The following PRDM16 variants were observed in gnomAD, a reference collection of about 807,000 sequenced individuals.
The protein encoded by PRDM16 is histone-lysine N-methyltransferase PRDM16.
PRDM16 carries 23 observed loss-of-function variants against 110.6 expected under a neutral mutation model. The observed-to-expected ratio is 0.21, with a 90% confidence interval of 0.15 to 0.29. The LOEUF (loss-of-function observed/expected upper bound fraction) is 0.29, where lower values mean the gene tolerates loss of function less well. Among genes scored for constraint, PRDM16 ranks in the 10% least tolerant of loss-of-function variants. The pLI, the probability that PRDM16 is intolerant of heterozygous loss-of-function variation, is 1.00. For synonymous variants in PRDM16, 799 were observed against 781.8 expected, an observed-to-expected ratio of 1.02 and a Z score of -0.37; for missense variants, 1,615 against 1,794.3, an observed-to-expected ratio of 0.90 and a Z score of 1.81.
At chr1:3,195,127 G>A (rs763456535) in intron 2 of PRDM16, among the ~76,000 whole-genome samples, 8 of 152,212 alleles carry the variant, frequency 5.3e-5, no homozygotes, top group Admixed American at 6.5e-5. Context: ...AGAGAGACGG[G>A]GCCCTGTGGG....
In PRDM16 at chr1:3,081,520, C is replaced by T. The variant is rs1212830761; in HGVS notation, c.37+12224C>T. ...GAGAACGCCGACTTGCATTTTCTGA[C>T]AGTCCCCAGCTCTCTCTGCAGAGTA... is the stretch of plus-strand genomic sequence containing the variant. On this transcript the variant is annotated intron_variant, in intron 1 of 16. Coordinates refer to ENST00000270722, the MANE Select transcript of PRDM16 (RefSeq NM_022114.4). The surrounding 1 kb of genome is among the most constrained non-coding windows in gnomAD (Gnocchi z 4.6). Among the ~76,000 whole-genome samples, 1 of 152,184 alleles carries T rather than the reference C, an allele frequency of 6.6e-6. No homozygotes were observed. The highest frequency in any genetic ancestry group is 1.5e-5 in the Non-Finnish European group (1 of 68,030).
At chr1:3,079,146 G>A (rs1447145627) in intron 1 of PRDM16, among the ~76,000 whole-genome samples, 5 of 152,332 alleles carry the variant, frequency 3.3e-5, no homozygotes, top group African/African-American at 1.2e-4. Context: ...GTGGAGCCGC[G>A]TCCCGGAATC....
At chr1:3,410,640 C>T (rs748167703) in intron 8 of PRDM16, among the ~76,000 whole-genome samples, 5 of 152,120 alleles carry the variant, frequency 3.3e-5, no homozygotes, top group African/African-American at 1.2e-4. Context: ...GGATCTGGTG[C>T]GGAGAGGGGA....
chr1:3,224,749 G>C (rs1475633202), intron 2 of PRDM16, among the ~76,000 whole-genome samples: 1 of 152,234 alleles, frequency 6.6e-6, no homozygotes, highest in Non-Finnish European at 1.5e-5. Flanking sequence ...GGATGACAGG[G>C]GGAACCCCTA....
chr1:3,239,401 C>T (rs1480872490), intron 2 of PRDM16, among the ~76,000 whole-genome samples: 1 of 151,950 alleles, frequency 6.6e-6, no homozygotes, highest in Non-Finnish European at 1.5e-5. Flanking sequence ...CTGAGCCCCT[C>T]GACCCCACAG....
chr1:3,161,158 G>A (rs1643893683), intron 1 of PRDM16, among the ~76,000 whole-genome samples: 1 of 152,156 alleles, frequency 6.6e-6, no homozygotes, highest in African/African-American at 2.4e-5. Flanking sequence ...TGAGGGAGGC[G>A]AGCAGGAAGG....
At chr1:3,205,485 G>A (rs560545700) in intron 2 of PRDM16, among the ~76,000 whole-genome samples, 1 of 152,254 alleles carries the variant, frequency 6.6e-6, no homozygotes, top group South Asian at 2.1e-4. Flanking sequence ...TACAGAAATG[G>A]ACCAGCCAGA....
At position 3,381,520 on chromosome 1, in the gene PRDM16, A is replaced by G. The variant is rs1322755724; in HGVS notation, c.439-3632A>G. Among the ~76,000 whole-genome samples, 5 of 150,268 alleles carry G rather than the reference A, an allele frequency of 3.3e-5. No individual in the cohort carries two copies. The Admixed American group carries it at 3.4e-4, about 10-fold the overall frequency. ...CAGGTACAAGCAATTCTTGTGCCTC[A>G]GCCTCCCAAGTAGCTGCATACCACC... is the stretch of plus-strand genomic sequence containing the variant. On this transcript the variant is annotated intron_variant, in intron 3 of 16. Transcript: ENST00000270722.
chr1:3,169,735 A>T (rs990753021), intron 1 of PRDM16, among the ~76,000 whole-genome samples: 3 of 152,162 alleles, frequency 2.0e-5, no homozygotes, highest in African/African-American at 7.2e-5. Flanking sequence ...CCTGTACGCC[A>T]TCAGGATCTT....
intron 3 of PRDM16, among the ~76,000 whole-genome samples, chr1:3,334,889 C>T (rs992474359): frequency 2.6e-5 from 4 of 152,214 alleles, no homozygotes; most frequent in African/African-American, 7.2e-5. Flanking sequence ...CCCCTGAGGT[C>T]GCCAACTAGG....
intron 3 of PRDM16, among the ~76,000 whole-genome samples, chr1:3,263,592 T>C (rs1310954872): frequency 6.6e-6 from 1 of 152,202 alleles, no homozygotes; most frequent in Admixed American, 6.5e-5. Context: ...CATGGGGAAC[T>C]TTCCCCAAGG....
rs982343378 is a variant in PRDM16, at chr1:3,331,099, C to G, written c.439-54053C>G. 3.9e-5 allele frequency among the ~76,000 whole-genome samples: 6 copies of G among 152,230 alleles called. No homozygotes were observed. In the East Asian group the frequency reaches 1.2e-3, roughly 29 times the overall value. On this transcript the variant is annotated intron_variant, in intron 3 of 16. Transcript: ENST00000270722. ...CAGGGGCCAAGGGAGGGGCCGCCAG[C>G]CCACTCAGCCCTGCAAGCTGCTCCT... is the stretch of plus-strand genomic sequence containing the variant.
intron 1 of PRDM16, among the ~76,000 whole-genome samples, chr1:3,105,971 G>A (rs1642642397): frequency 1.3e-5 from 2 of 149,864 alleles, no homozygotes; most frequent in African/African-American, 5.0e-5. Context: ...TTAGTTGGGT[G>A]GGGGCAGGAC....
At chr1:3,162,470 C>G (rs1446306635) in intron 1 of PRDM16, among the ~76,000 whole-genome samples, 1 of 152,228 alleles carries the variant, frequency 6.6e-6, no homozygotes, top group Non-Finnish European at 1.5e-5. Context: ...AGAGCTGCAG[C>G]AGGCCCAGCA....
chr1:3,396,363 T>C, intron 4 of PRDM16, 128 bp from the exon 5 acceptor site: 2 of 712,176 alleles, frequency 2.8e-6, no homozygotes, highest in Non-Finnish European at 5.2e-6. Flanking sequence ...ACCCTCTTGG[T>C]GGCAATTAGA....
At chr1:3,198,705 C>A (rs541414393) in intron 2 of PRDM16, among the ~76,000 whole-genome samples, 1 of 152,356 alleles carries the variant, frequency 6.6e-6, no homozygotes, top group South Asian at 2.1e-4. Context: ...GCGCCTCTTG[C>A]ACCAGGCTGG....
chr1:3,114,199 GCACGCACA>G (rs997686121), intron 1 of PRDM16, among the ~76,000 whole-genome samples: 16 of 110,446 alleles, frequency 1.4e-4, no homozygotes, highest in African/African-American at 4.8e-4. Flanking sequence ...ACACGCACAC[GCACGCACA>G]CACGCACACG....
In PRDM16 at chr1:3,430,850, A is replaced by C. The variant is rs562884749; in HGVS notation, c.3285-22A>C. 3.7e-6 allele frequency: 6 copies of C among 1,611,800 alleles called. No individual in the cohort carries two copies. In the East Asian group the frequency reaches 8.9e-5, roughly 24 times the overall value. On this transcript the variant is annotated intron_variant, in intron 14 of 16. Coordinates refer to ENST00000270722, the MANE Select transcript of PRDM16 (RefSeq NM_022114.4). ...GGACAGAGACACCCAAACTCAGTCA[A>C]TCTCCTCCTGCATCATTTCAGGGCG...
intron 1 of PRDM16, among the ~76,000 whole-genome samples, chr1:3,159,773 T>G (rs895597883): frequency 3.3e-5 from 5 of 152,148 alleles, no homozygotes; most frequent in Non-Finnish European, 5.9e-5. Flanking sequence ...AAGAGGTTAG[T>G]AGGGGTACCT....
Sources: allele counts gnomAD v4.1 joint callset (sites outside exome capture counted in the v4.1 genomes callset), GRCh38; gene constraint gnomAD v4.1.1; non-coding constraint Gnocchi (gnomAD v3.1); transcripts MANE v1.5; gene names NCBI Gene and HGNC (gene_info 2026-07-23, HGNC 2026-07-21).